Variants in INSL6 observed in about 807,000 individuals in gnomAD.
The protein encoded by INSL6 is insulin like 6, also known as insulin-like peptide INSL6.
In INSL6, 16 loss-of-function variants were observed where a neutral mutation model predicts 9.4. The ratio of observed to expected loss-of-function variants is 1.70; its 90% CI spans 1.15 to 2.59. The LOEUF is 2.59. Among genes scored for constraint, INSL6 ranks in the 30% most tolerant of loss-of-function variants. The pLI is 0.00. For missense variants in INSL6, 391 were observed against 257.3 expected (o/e 1.52, Z -3.56); for synonymous variants, 154 against 96.9 (o/e 1.59, Z -3.46).
chr9:5,063,577 T>G, the INSL6 span, among the ~76,000 whole-genome samples: 2 of 152,198 alleles, frequency 1.3e-5, no homozygotes, highest in African/African-American at 4.8e-5. Flanking sequence ...GTTGGTATCT[T>G]TAATGTGATT....
At chr9:4,996,928 CTTT>C in the INSL6 span, among the ~76,000 whole-genome samples, 380 of 94,668 alleles carry the variant, frequency 4.0e-3, no homozygotes, top group African/African-American at 0.016. Flanking sequence ...TTAGTTTGTT[CTTT>C]TTTTTTTTTT....
chr9:5,076,188 G>C, the INSL6 span, among the ~76,000 whole-genome samples: 2 of 152,136 alleles, frequency 1.3e-5, no homozygotes, highest in Admixed American at 6.5e-5. Context: ...TGAACATTGT[G>C]AAATGACAAC....
the INSL6 span, among the ~76,000 whole-genome samples, chr9:4,993,226 C>T: frequency 3.3e-5 from 5 of 152,174 alleles, no homozygotes; most frequent in Admixed American, 3.3e-4. Context: ...TGGGACAACA[C>T]CCTTAAGATC....
At chr9:5,181,625 T>G (rs1825457425) in intron 1 of INSL6, among the ~76,000 whole-genome samples, 1 of 152,142 alleles carries the variant, frequency 6.6e-6, no homozygotes, top group African/African-American at 2.4e-5. Flanking sequence ...TATATAAAAG[T>G]TAAGGCTTTC....
the INSL6 span, among the ~76,000 whole-genome samples, chr9:5,035,202 A>G: frequency 3.3e-5 from 5 of 152,234 alleles, no homozygotes; most frequent in Non-Finnish European, 7.3e-5. Flanking sequence ...GAATCTCTGC[A>G]TAGACCAATA....
chr9:5,174,119 ATTC>A (rs1825246041), intron 1 of INSL6, among the ~76,000 whole-genome samples: 2 of 152,176 alleles, frequency 1.3e-5, no homozygotes, highest in Non-Finnish European at 2.9e-5. Flanking sequence ...CCTTCTCCGC[ATTC>A]TTCATCAGTT....
intron 2 of INSL6, among the ~76,000 whole-genome samples, chr9:5,142,861 G>A (rs1356374914): frequency 1.3e-5 from 2 of 152,030 alleles, no homozygotes; most frequent in African/African-American, 4.8e-5. Context: ...TTGTTATTTT[G>A]AGGTATATTC....
the INSL6 span, chr9:5,050,888 C>G: frequency 5.6e-6 from 8 of 1,428,570 alleles, no homozygotes; most frequent in Non-Finnish European, 6.8e-6. Flanking sequence ...TTATATAATT[C>G]GTATATATTT....
rs758780998 is a variant in INSL6 at position 5,185,377 on chromosome 9, T to C, written c.226A>G (p.Ser76Gly). 15 of 1,614,130 alleles carry C rather than the reference T, an allele frequency of 9.3e-6. No homozygotes were observed. Among genetic ancestry groups the C allele is most frequent in the Non-Finnish European group, 1.3e-5 (15 of 1,180,004 alleles). ...TGCGGGCTTTCGAACTGGTATGGGC[T>C]GTAGGCTTCGACCTTCTCCGAGGCC... ...AQASEKVEAY[S>G]PYQFESPQTA... The change falls in exon 1 of 2, where the codon AGC becomes GGC. Residue 76 changes from serine (S) to glycine (G), a missense_variant. Transcript: ENST00000381641.
the INSL6 span, among the ~76,000 whole-genome samples, chr9:5,096,094 T>C: frequency 6.6e-6 from 1 of 152,190 alleles, no homozygotes; most frequent in African/African-American, 2.4e-5. Context: ...ACTCAACCTG[T>C]AGTTTTATAT....
At chr9:5,077,113 A>T in the INSL6 span, among the ~76,000 whole-genome samples, 1 of 151,792 alleles carries the variant, frequency 6.6e-6, no homozygotes, top group Non-Finnish European at 1.5e-5. Flanking sequence ...AATGTCTAAA[A>T]AGTTATGTGG....
At chr9:5,145,592 C>T (rs918485084) in intron 2 of INSL6, among the ~76,000 whole-genome samples, 1 of 152,158 alleles carries the variant, frequency 6.6e-6, no homozygotes, top group Non-Finnish European at 1.5e-5. Context: ...TTCAGATATA[C>T]CAATCAGTTG....
At chr9:5,122,782 A>T (rs767648314), downstream of INSL6, among the ~76,000 whole-genome samples, 5 of 152,042 alleles carry the variant, frequency 3.3e-5, no homozygotes, top group Non-Finnish European at 7.4e-5. Context: ...CAATCTAGGC[A>T]TAGTGAGTCA....
chr9:5,033,287 G>A, the INSL6 span, among the ~76,000 whole-genome samples: 3 of 152,224 alleles, frequency 2.0e-5, no homozygotes, highest in South Asian at 2.1e-4. Context: ...ACCTGATGGG[G>A]AGAATGGAAC....
the INSL6 span, among the ~76,000 whole-genome samples, chr9:5,118,143 A>G: frequency 6.6e-6 from 1 of 152,250 alleles, no homozygotes; most frequent in African/African-American, 2.4e-5. Flanking sequence ...CCTGGGCGAC[A>G]GAGCGAGACT....
chr9:5,131,030 G>A (rs1000668760), intron 3 of INSL6, among the ~76,000 whole-genome samples: 19 of 152,062 alleles, frequency 1.2e-4, no homozygotes, highest in Admixed American at 5.9e-4. Flanking sequence ...CGCCCAGCCC[G>A]AGTATGAATT....
chr9:5,074,304 C>T, the INSL6 span, among the ~76,000 whole-genome samples: 10 of 152,110 alleles, frequency 6.6e-5, no homozygotes, highest in Non-Finnish European at 1.2e-4. Context: ...CATTTTATTG[C>T]ACCTTGCTTT....
At chr9:5,032,334 C>G in the INSL6 span, among the ~76,000 whole-genome samples, 2 of 152,232 alleles carry the variant, frequency 1.3e-5, no homozygotes, top group African/African-American at 2.4e-5. Context: ...AGGGCATAGC[C>G]AAACAAAAGG....
chr9:5,152,627 TA>T (rs1178833813), intron 2 of INSL6, among the ~76,000 whole-genome samples: 1 of 152,150 alleles, frequency 6.6e-6, no homozygotes, highest in Admixed American at 6.5e-5. Flanking sequence ...ACAGCCTTAA[TA>T]AGACTATTAA....
Sources: gnomAD v4.1 joint callset for allele counts (sites outside exome capture counted in the v4.1 genomes callset) on GRCh38, gnomAD v4.1.1 for gene constraint, MANE v1.5 for transcripts, NCBI Gene and HGNC (gene_info 2026-07-23, HGNC 2026-07-21) for gene names.